The following ASCC3 variants were observed in gnomAD, a reference collection of about 807,000 sequenced individuals.
The protein encoded by ASCC3 is ASC-1 complex subunit P200.
In ASCC3, 158 loss-of-function variants were observed where a neutral mutation model predicts 256.3. That is an observed-to-expected ratio of 0.62 (90% confidence interval 0.54 to 0.70). The LOEUF (loss-of-function observed/expected upper bound fraction) is 0.70. Ranked by LOEUF, ASCC3 falls within the 30% of genes least tolerant of loss-of-function variation. ASCC3 has a pLI of 0.00. For synonymous variants in ASCC3, 948 were observed against 883.4 expected (o/e 1.07, Z -1.30); for missense variants, 2,259 against 2,626.0 (o/e 0.86, Z 3.05).
intron 10 of ASCC3, among the ~76,000 whole-genome samples, chr6:100,736,328 C>T (rs555270842): frequency 3.7e-4 from 56 of 152,114 alleles, no homozygotes; most frequent in Admixed American, 1.4e-3. Context: ...CATGGTGAAA[C>T]CCCATCTCTA....
At position 100,685,122 on chromosome 6, in the gene ASCC3, T is replaced by C. The variant is rs575258098; in HGVS notation, c.2152-5370A>G. ...ATGCGCGGCCAAATCAAACCCTCTT[T>C]TCTAGGAATACTGCTAAGAAGTGAA... On this transcript the variant is annotated intron_variant, in intron 13 of 41. Transcript: ENST00000369162. 3.3e-5 allele frequency among the ~76,000 whole-genome samples: 5 copies of C among 152,206 alleles called. No homozygotes were observed. In the South Asian group the frequency reaches 1.0e-3, roughly 32 times the overall value.
At chr6:100,752,230 T>C (rs1780973850) in intron 10 of ASCC3, among the ~76,000 whole-genome samples, 1 of 152,096 alleles carries the variant, frequency 6.6e-6, no homozygotes, top group Non-Finnish European at 1.5e-5. Flanking sequence ...CAACCTGAAG[T>C]TTATATTATC....
chr6:100,509,379 G>C lies in ASCC3; in HGVS notation c.*7C>G. 6.2e-7 allele frequency: 1 copy of C among 1,614,066 alleles called. No individual in the cohort carries two copies. Among genetic ancestry groups the C allele is most frequent in the African/African-American group, 1.3e-5 (1 of 75,030 alleles). ...CCACTCCTTTCAAATGGATTGTTCA[G>C]GTCAAGTTACTTTAATGCCAGGTCA... On this transcript the variant is annotated 3_prime_UTR_variant, in exon 42 of 42. Transcript: ENST00000369162.
chr6:100,679,219 A>T (rs894227460), intron 14 of ASCC3, among the ~76,000 whole-genome samples: 2 of 152,034 alleles, frequency 1.3e-5, no homozygotes, highest in Admixed American at 1.3e-4. Context: ...CTTAAAAAAA[A>T]AAAAAAAGCC....
chr6:100,583,781 T>A (rs991146520), intron 36 of ASCC3, among the ~76,000 whole-genome samples: 3 of 152,214 alleles, frequency 2.0e-5, no homozygotes, highest in Admixed American at 1.3e-4. Flanking sequence ...GATTCTGGTA[T>A]GTGTGTCTTT....
chr6:100,540,059 CCA>C, intron 37 of ASCC3, 102 bp downstream of exon 37: 1 of 1,013,322 alleles, frequency 9.9e-7, no homozygotes, highest in South Asian at 1.3e-5. Context: ...AACAATGCTA[CCA>C]TAAAGTTGTT....
At chr6:100,727,551 C>T (rs1779693870) in intron 10 of ASCC3, among the ~76,000 whole-genome samples, 1 of 151,950 alleles carries the variant, frequency 6.6e-6, no homozygotes. Flanking sequence ...GGAACTTTCA[C>T]TGTATCAGCC....
intron 5 of ASCC3, among the ~76,000 whole-genome samples, chr6:100,805,545 CT>C (rs1252810049): frequency 6.6e-6 from 1 of 152,044 alleles, no homozygotes; most frequent in Non-Finnish European, 1.5e-5. Context: ...GTAGTTTTAA[CT>C]TTTACCAAAA....
intron 8 of ASCC3, among the ~76,000 whole-genome samples, chr6:100,787,568 T>C (rs764085329): frequency 3.5e-4 from 53 of 152,184 alleles, no homozygotes; most frequent in Non-Finnish European, 6.2e-4. Context: ...AATAACCAAA[T>C]ACTAACACCT....
intron 25 of ASCC3, among the ~76,000 whole-genome samples, chr6:100,635,471 A>C (rs1774797632): frequency 6.6e-6 from 1 of 152,194 alleles, no homozygotes; most frequent in East Asian, 1.9e-4. Context: ...CAACAGGTAT[A>C]AAGTTTCATT....
intron 4 of ASCC3, among the ~76,000 whole-genome samples, chr6:100,818,998 A>T (rs1206970970): frequency 6.6e-6 from 1 of 152,232 alleles, no homozygotes; most frequent in African/African-American, 2.4e-5. Flanking sequence ...AAAAAGGATG[A>T]GTTCATGTCC....
At chr6:100,702,394 A>C (rs1778397050) in intron 13 of ASCC3, among the ~76,000 whole-genome samples, 1 of 152,198 alleles carries the variant, frequency 6.6e-6, no homozygotes, top group Admixed American at 6.5e-5. Context: ...ATGACAGATT[A>C]CTACCATTTT....
intron 3 of ASCC3, chr6:100,857,098 A>C (rs1284992681): frequency 2.0e-5 from 3 of 152,140 alleles, no homozygotes; most frequent in Non-Finnish European, 4.4e-5. Flanking sequence ...AACAATAGGT[A>C]TGTCAGTCTT....
chr6:100,700,845 T>C (rs1320097718), intron 13 of ASCC3, among the ~76,000 whole-genome samples: 8 of 152,250 alleles, frequency 5.3e-5, no homozygotes, highest in Non-Finnish European at 1.0e-4. Flanking sequence ...AACTTGCTTT[T>C]GATTTTACAA....
At chr6:100,850,713 CACAATTATCTGACAT>C (rs1021334323) in intron 3 of ASCC3, among the ~76,000 whole-genome samples, 3 of 152,152 alleles carry the variant, frequency 2.0e-5, no homozygotes, top group Non-Finnish European at 4.4e-5. Flanking sequence ...TTATAATTTA[CACAATTATCTGACAT>C]ACAATTATTC....
At chr6:100,755,666 C>T (rs1478012731) in intron 10 of ASCC3, among the ~76,000 whole-genome samples, 1 of 151,954 alleles carries the variant, frequency 6.6e-6, no homozygotes, top group African/African-American at 2.4e-5. Flanking sequence ...ACACACTGGG[C>T]CAACCTGTTC....
chr6:100,779,769 A>G (rs1442721201), intron 8 of ASCC3, among the ~76,000 whole-genome samples: 2 of 152,196 alleles, frequency 1.3e-5, no homozygotes, highest in East Asian at 3.8e-4. Context: ...TAGGGCAAGT[A>G]TCTTTATCTG....
rs920160504 is a variant in ASCC3, at chr6:100,605,934, G to A, written c.5045-234C>T. ...ATGATGAAAAACTGAGTCTTTGAAAGGGTCTTTCTTAACATTTATAGATGT... is the reference window on the plus strand; with the variant it reads ...ATGATGAAAAACTGAGTCTTTGAAAAGGTCTTTCTTAACATTTATAGATGT... On this transcript the variant is annotated intron_variant, in intron 32 of 41. Coordinates refer to ENST00000369162, the MANE Select transcript of ASCC3 (RefSeq NM_006828.4). Among the ~76,000 whole-genome samples, 8 of 152,068 alleles carry A rather than the reference G, an allele frequency of 5.3e-5. 1 individual carries two copies. The East Asian group carries it at 1.4e-3, about 26-fold the overall frequency.
chr6:100,542,491 G>A (rs187437168), intron 36 of ASCC3, among the ~76,000 whole-genome samples: 59 of 152,160 alleles, frequency 3.9e-4, no homozygotes, highest in African/African-American at 1.1e-3. Flanking sequence ...GACCATCCTG[G>A]CCAACATGGT....
Sources: allele counts gnomAD v4.1 joint callset (sites outside exome capture counted in the v4.1 genomes callset), GRCh38; gene constraint gnomAD v4.1.1; transcripts MANE v1.5; gene names NCBI Gene and HGNC (gene_info 2026-07-23, HGNC 2026-07-21).